RNF20: variants seen among roughly 807,000 people sequenced by gnomAD.
RNF20 encodes E3 ubiquitin-protein ligase BRE1A.
A neutral mutation model predicts 126.2 loss-of-function variants in RNF20; 84 were observed. The ratio of observed to expected loss-of-function variants is 0.67; its 90% CI spans 0.56 to 0.80. The LOEUF is 0.80. Ranked by LOEUF, RNF20 falls within the 30% of genes least tolerant of loss-of-function variation. The probability of loss-of-function intolerance (pLI) is 0.00; values close to 1 mark genes in which losing one functional copy is unlikely to be tolerated. For synonymous variants in RNF20, 400 were observed against 414.3 expected (o/e 0.97, Z 0.42); for missense variants, 869 against 1,188.2 (o/e 0.73, Z 3.95).
Position 101,562,301 on chromosome 9 carries a change from A to C in RNF20, c.2807A>C (p.Lys936Thr). The C allele has an allele frequency of 6.2e-7, 1 of 1,614,044 alleles. No homozygotes were observed. Among genetic ancestry groups the C allele is most frequent in the Non-Finnish European group, 8.5e-7 (1 of 1,179,952 alleles). Residue 936 changes from lysine (K) to threonine (T), a missense_variant, in exon 20 of 20, where the codon AAG becomes ACG. By Grantham distance (78) the Lys-to-Thr change is moderately conservative. This residue lies in a region of RNF20 where 36 missense variants were observed against 85.6 expected (regional missense o/e 0.42). Coordinates refer to ENST00000389120, the MANE Select transcript of RNF20 (RefSeq NM_019592.7). ...NMRKKDAVLT[K>T]CFHVFCFECV... ...CGTAAAAAGGATGCTGTTCTTACTA[A>C]GTGTTTTCATGTCTTCTGCTTTGAG...
rs1564110517 is a variant in RNF20, at chr9:101,551,839, ATGC to A, written c.1408+23_1408+25del. On this transcript the variant is annotated intron_variant, in intron 11 of 19. Coordinates refer to ENST00000389120, the MANE Select transcript of RNF20 (RefSeq NM_019592.7). Reference sequence around the variant, plus strand: ...AAGCAGGTATAATGATTCTCACTCCATGCTGTAGTTTGCTCTTAATACCTTCCT... The same window carrying A: ...AAGCAGGTATAATGATTCTCACTCCATGTAGTTTGCTCTTAATACCTTCCT... 1 of 1,592,176 alleles carries A rather than the reference ATGC, an allele frequency of 6.3e-7. No individual in the cohort carries two copies. The highest frequency in any genetic ancestry group is 1.8e-5 in the Admixed American group (1 of 55,338).
At position 101,547,542 on chromosome 9, in the gene RNF20, A is replaced by G. The variant is rs758929137; in HGVS notation, c.1092+24A>G. On this transcript the variant is annotated intron_variant, in intron 9 of 19. Coordinates refer to ENST00000389120, the MANE Select transcript of RNF20 (RefSeq NM_019592.7). ...AGGTAGGAACGCATCCCTGAAGGGC[A>G]GTAAAATCAGACGTTCTGCTGATCA... is the stretch of plus-strand genomic sequence containing the variant. The G allele has an allele frequency of 1.2e-5, 19 of 1,613,196 alleles. No individual in the cohort carries two copies. In the East Asian group the frequency reaches 4.0e-4, roughly 34 times the overall value.
chr9:101,558,825 A>AT (rs1273866831), intron 16 of RNF20, among the ~76,000 whole-genome samples: 1 of 151,734 alleles, frequency 6.6e-6, no homozygotes, highest in Non-Finnish European at 1.5e-5. Context: ...GGATGTATAG[A>AT]TTTTTTTCTC....
chr9:101,549,615 G>GGT (rs1225915938), intron 9 of RNF20, among the ~76,000 whole-genome samples: 7 of 152,126 alleles, frequency 4.6e-5, no homozygotes, highest in Admixed American at 4.6e-4. Flanking sequence ...CTAAGTAGCA[G>GGT]GTGTTTTCCC....
At chr9:101,540,664 C>T (rs1827246717) in intron 4 of RNF20, 27 bp downstream of exon 4, 10 of 1,612,208 alleles carry the variant, frequency 6.2e-6, no homozygotes, top group Admixed American at 1.7e-5. Flanking sequence ...GATTCTATCA[C>T]TGCATGCTAT....
In RNF20 at chr9:101,553,896, T is replaced by C. The variant is rs148185726; in HGVS notation, c.1902-92T>C. ...ATATGAAATGTAAAATGAAACTGTT[T>C]TAAAATATTCTGCTCAATCAAAATT... is the stretch of plus-strand genomic sequence containing the variant. On this transcript the variant is annotated intron_variant, in intron 13 of 19. Transcript: ENST00000389120. The C allele has an allele frequency of 2.9e-4, 205 of 696,152 alleles. 1 individual carries two copies. In the East Asian group the frequency reaches 5.2e-3, roughly 18 times the overall value. 43.1% of individuals were successfully genotyped at this position (696,152 alleles called of 1,614,324 possible).
Position 101,561,173 on chromosome 9 carries a change from G to T in RNF20, c.2592G>T (p.Glu864Asp), listed in dbSNP as rs1000491562. 6.2e-7 allele frequency: 1 copy of T among 1,613,962 alleles called. No homozygotes were observed. The highest frequency in any genetic ancestry group is 8.5e-7 in the Non-Finnish European group (1 of 1,179,850). ...AQKKLHDFQD[E>D]IVENSVTKEK... Reference sequence around the variant, plus strand: ...AGAAGCTACATGATTTTCAGGATGAGATCGTGGAGAACAGTGTTACCAAAG... The same window carrying T: ...AGAAGCTACATGATTTTCAGGATGATATCGTGGAGAACAGTGTTACCAAAG... The change falls in exon 18 of 20, where the codon GAG becomes GAT. Residue 864 changes from glutamate to aspartate, a missense_variant. Coordinates refer to ENST00000389120, the MANE Select transcript of RNF20 (RefSeq NM_019592.7).
At chr9:101,555,539 T>C (rs1827519347) in intron 15 of RNF20, among the ~76,000 whole-genome samples, 1 of 152,016 alleles carries the variant, frequency 6.6e-6, no homozygotes, top group African/African-American at 2.4e-5. Context: ...TACACCTTCA[T>C]TGTTTCTAAG....
At chr9:101,562,051 C>T in intron 19 of RNF20, 40 bp downstream of exon 19, 1 of 1,444,084 alleles carries the variant, frequency 6.9e-7, no homozygotes, top group Non-Finnish European at 9.6e-7. Flanking sequence ...TTTGTCAAAG[C>T]TTTAAGTGGC....
In RNF20 at chr9:101,554,718, A is replaced by C. The variant is rs766924018; in HGVS notation, c.2044A>C (p.Lys682Gln). 2 of 1,610,478 alleles carry C rather than the reference A, an allele frequency of 1.2e-6. No homozygotes were observed. Among genetic ancestry groups the C allele is most frequent in the East Asian group, 4.5e-5 (2 of 44,732 alleles). Residue 682 changes from lysine to glutamine, a missense_variant, in exon 15 of 20, where the codon AAG becomes CAG. Coordinates refer to ENST00000389120, the MANE Select transcript of RNF20 (RefSeq NM_019592.7). ...AELEDLRQRL[K>Q]DLEDKEKKEN... ...GTTGGAAGATCTAAGGCAAAGACTCAAGGATCTGGAAGATAAAGAGAAGAA... is the reference window on the plus strand; with the variant it reads ...GTTGGAAGATCTAAGGCAAAGACTCCAGGATCTGGAAGATAAAGAGAAGAA...
In RNF20 at chr9:101,535,569, C is replaced by T; in HGVS notation, c.129+17C>T. ...TCTTCAACGGTATGAGGAAACAGTG[C>T]CATGAAAGTGTGCTTGTCTTCTGTC... On this transcript the variant is annotated intron_variant, in intron 2 of 19. Coordinates refer to ENST00000389120, the MANE Select transcript of RNF20 (RefSeq NM_019592.7). The T allele has an allele frequency of 6.2e-7, 1 of 1,600,326 alleles. No homozygotes were observed. The highest frequency in any genetic ancestry group is 8.5e-7 in the Non-Finnish European group (1 of 1,173,818).
chr9:101,546,984 G>T lies in RNF20; in HGVS notation c.894+18G>T. 2 of 1,613,690 alleles carry T rather than the reference G, an allele frequency of 1.2e-6. No homozygotes were observed. Among genetic ancestry groups the T allele is most frequent in the Non-Finnish European group, 1.7e-6 (2 of 1,179,704 alleles). The stretch of plus-strand genomic sequence containing the variant: ...TAGAACGGGTCAGTGCTGTTTTATG[G>T]CTTGGAGACTAGAATCATTTTAAGG... On this transcript the variant is annotated intron_variant, in intron 7 of 19. Coordinates refer to ENST00000389120, the MANE Select transcript of RNF20 (RefSeq NM_019592.7).
At chr9:101,544,597 T>C (rs1019248409) in intron 5 of RNF20, among the ~76,000 whole-genome samples, 170 bp from the exon 6 acceptor site, 1 of 151,950 alleles carries the variant, frequency 6.6e-6, no homozygotes, top group Non-Finnish European at 1.5e-5. Context: ...TCCCAGCTAC[T>C]CTGGAGGCTG....
Position 101,552,414 on chromosome 9 carries a change from A to G in RNF20, c.1562A>G (p.Gln521Arg). Residue 521 changes from glutamine (Q) to arginine (R), a missense_variant, in exon 13 of 20, where the codon CAG becomes CGG. Transcript: ENST00000389120. The stretch of plus-strand genomic sequence containing the variant: ...CTGCGTAGTGGTAGTGCCCTCCTGC[A>G]GTCCCAGTCTAGTACTGAGGACCCG... Reference protein sequence around the residue: ...TRLRSGSALLQSQSSTEDPKD... With the variant: ...TRLRSGSALLRSQSSTEDPKD... The G allele has an allele frequency of 4.4e-6, 7 of 1,605,974 alleles. No homozygotes were observed. The highest frequency in any genetic ancestry group is 6.0e-6 in the Non-Finnish European group (7 of 1,174,314).
At chr9:101,537,368 T>A (rs1474449115) in intron 2 of RNF20, among the ~76,000 whole-genome samples, 6 of 152,052 alleles carry the variant, frequency 3.9e-5, no homozygotes, top group Non-Finnish European at 8.8e-5. Context: ...GCTAGAGAAG[T>A]GTATGAGAGG....
At chr9:101,556,627 CCTTT>C (rs1827536338) in intron 15 of RNF20, among the ~76,000 whole-genome samples, 1 of 151,938 alleles carries the variant, frequency 6.6e-6, no homozygotes, top group Non-Finnish European at 1.5e-5. Flanking sequence ...GGAGTGGAGA[CCTTT>C]CTATGAATAA....
intron 9 of RNF20, among the ~76,000 whole-genome samples, chr9:101,549,644 C>T (rs1421923174): frequency 6.6e-6 from 1 of 152,154 alleles, no homozygotes; most frequent in East Asian, 1.9e-4. Context: ...TACGCTACCG[C>T]TAGACCACGG....
At position 101,560,793 on chromosome 9, in the gene RNF20, G is replaced by C; in HGVS notation, c.2383-8G>C. The C allele has an allele frequency of 6.3e-7, 1 of 1,597,288 alleles. No homozygotes were observed. The highest frequency in any genetic ancestry group is 8.5e-7 in the Non-Finnish European group (1 of 1,174,756). On this transcript the variant is annotated splice_polypyrimidine_tract_variant and splice_region_variant and intron_variant, in intron 16 of 19. Transcript: ENST00000389120. Reference sequence around the variant, plus strand: ...CATTTGTGTTAAAATCTGATTTTCTGTTCAAAGGTTGATGCCCAGCTACAG... The same window carrying C: ...CATTTGTGTTAAAATCTGATTTTCTCTTCAAAGGTTGATGCCCAGCTACAG...
rs1288429514 is a variant in RNF20, at chr9:101,552,493, C to G, written c.1641C>G (p.Ser547=). The part of the protein sequence containing the change: ...KPDSEDLSSQ[S]SASKASQEDA... ...ATTCTGAGGACTTATCCTCCCAGTC[C>G]TCAGCTTCAAAGGCATCTCAGGAGG... is the stretch of plus-strand genomic sequence containing the variant. The change falls in exon 13 of 20, where the codon TCC becomes TCG. Residue 547 remains serine (S), a synonymous_variant. Coordinates refer to ENST00000389120, the MANE Select transcript of RNF20 (RefSeq NM_019592.7). 1 of 1,614,062 alleles carries G rather than the reference C, an allele frequency of 6.2e-7. No homozygotes were observed. The highest frequency in any genetic ancestry group is 1.3e-5 in the African/African-American group (1 of 75,010).
Sources: allele counts gnomAD v4.1 joint callset (sites outside exome capture counted in the v4.1 genomes callset), GRCh38; gene constraint gnomAD v4.1.1; regional missense constraint gnomAD v4.1.1; transcripts MANE v1.5; gene names NCBI Gene and HGNC (gene_info 2026-07-23, HGNC 2026-07-21).